Variants in FGF3 observed in about 807,000 individuals in gnomAD.
The protein encoded by FGF3 is fibroblast growth factor 3.
In FGF3, 7 loss-of-function variants were observed where a neutral mutation model predicts 9.8. The observed-to-expected ratio is 0.72, with a 90% CI of 0.41 to 1.35. FGF3 has a LOEUF of 1.35. Among genes scored for constraint, FGF3 ranks in the 40% most tolerant of loss-of-function variants. FGF3 has a pLI of 0.01. For synonymous variants in FGF3, 173 were observed against 157.2 expected (o/e 1.10, Z -0.75); for missense variants, 390 against 345.6 (o/e 1.13, Z -1.02).
chr11:69,813,656 ATGGATGGGTGGATGGC>A (rs1565114863), intron 2 of FGF3, among the ~76,000 whole-genome samples: 1,979 of 94,526 alleles, frequency 0.021, 251 homozygotes, highest in East Asian at 0.043. Flanking sequence ...GGGTGGATGG[ATGGATGGGTGGATGGC>A]TGGATGGATG....
intron 2 of FGF3, 29 bp from the exon 3 acceptor site, chr11:69,810,729 C>A (rs782774076): frequency 1.3e-6 from 2 of 1,529,542 alleles, no homozygotes; most frequent in Non-Finnish European, 1.8e-6. Context: ...ATGGTCAGTG[C>A]CCCGGGGAGA....
At chr11:69,817,590 G>C (rs1590965268) in intron 1 of FGF3, 2 of 152,370 alleles carry the variant, frequency 1.3e-5, no homozygotes, top group Admixed American at 1.3e-4. Context: ...CCTGGTGACA[G>C]CTGGTGCCCA....
intron 2 of FGF3, 128 bp downstream of exon 2, chr11:69,816,192 G>T: frequency 2.5e-6 from 2 of 789,144 alleles, no homozygotes; most frequent in Non-Finnish European, 2.2e-6. Flanking sequence ...GCCAGGGTCT[G>T]GTCCTAGCTT....
At position 69,818,747 on chromosome 11, in the gene FGF3, G is replaced by A. The variant is rs1554981392; in HGVS notation, c.187C>T (p.Arg63Cys). The A allele has an allele frequency of 6.7e-7, 1 of 1,494,568 alleles. No individual in the cohort carries two copies. Among genetic ancestry groups the A allele is most frequent in the Non-Finnish European group, 8.9e-7 (1 of 1,128,672 alleles). The allele number at this position is 1,494,568 out of a possible 1,614,324, so 92.6% of individuals were successfully genotyped here. A position where few individuals can be genotyped will look rare whatever the true frequency, so the allele number is the denominator to read the frequency against. ...KYHLQLHPSG[R>C]VNGSLENSAY... ...CTGTTCTCCAGGCTGCCGTTGACGC[G>A]GCCGCTCGGGTGCAGCTGGAGGTGG... Residue 63 changes from arginine to cysteine, a missense_variant, in exon 1 of 3, where the codon CGC (arginine) becomes TGC (cysteine). Physicochemically the swap from Arg to Cys is radical, Grantham distance 180. Transcript: ENST00000334134.
chr11:69,817,447 G>A (rs1417770315), intron 1 of FGF3: 5 of 152,256 alleles, frequency 3.3e-5, no homozygotes, highest in African/African-American at 7.2e-5. Context: ...AGGGGCGGCT[G>A]CGGGCGCGCG....
intron 1 of FGF3, among the ~76,000 whole-genome samples, chr11:69,817,207 A>C (rs1277800503): frequency 6.6e-6 from 1 of 152,000 alleles, no homozygotes; most frequent in Non-Finnish European, 1.5e-5. Context: ...CTCCCAATAG[A>C]GGCTGCGAGG....
rs1554980742 is a variant in FGF3, at chr11:69,813,759, G to GCT, written c.324+2560_324+2561insAG. Among the ~76,000 whole-genome samples the GCT allele has an allele frequency of 1.4e-4, 18 of 132,124 alleles. 2 individuals are homozygous for GCT. The highest frequency in any genetic ancestry group is 4.3e-4 in the African/African-American group (15 of 35,054). The allele number at this position is 132,124 out of a possible 152,430, so 86.7% of individuals were successfully genotyped here. The stretch of plus-strand genomic sequence containing the variant: ...GGGTGGATGGCTGGATGGATGGATG[G>GCT]GTGGATGGGTGGATGGATGGATGGA... On this transcript the variant is annotated intron_variant, in intron 2 of 2. Coordinates refer to ENST00000334134, the MANE Select transcript of FGF3 (RefSeq NM_005247.4).
Position 69,816,355 on chromosome 11 carries a change from G to A in FGF3, c.289C>T (p.Leu97=). Residue 97 remains leucine (L), a synonymous_variant, in exon 2 of 3, where the codon CTG becomes TTG. Coordinates refer to ENST00000334134, the MANE Select transcript of FGF3 (RefSeq NM_005247.4). ...AGTCGTCCCCTCTTGTTCATGGCCA[G>A]GTACCGCCCGGAGAAGAGACCCCTG... ...AIRGLFSGRY[L]AMNKRGRLYA... The A allele has an allele frequency of 2.5e-6, 4 of 1,614,086 alleles. No individual in the cohort carries two copies. The highest frequency in any genetic ancestry group is 3.4e-6 in the Non-Finnish European group (4 of 1,179,962).
intron 1 of FGF3, 72 bp downstream of exon 1, chr11:69,818,642 A>G: frequency 8.6e-7 from 1 of 1,166,840 alleles, no homozygotes; most frequent in South Asian, 2.0e-5. Flanking sequence ...GGGGCCCCGC[A>G]GCGCGCCTTC....
rs1286038391 is a variant in FGF3, at chr11:69,818,795, TGCG to T, written c.136_138del (p.Arg46del). 1 of 1,493,088 alleles carries T rather than the reference TGCG, an allele frequency of 6.7e-7. No homozygotes were observed. The highest frequency in any genetic ancestry group is 8.9e-7 in the Non-Finnish European group (1 of 1,128,332). The allele number at this position is 1,493,088 out of a possible 1,614,324, so 92.5% of individuals were successfully genotyped here. A position where few individuals can be genotyped will look rare whatever the true frequency, so the allele number is the denominator to read the frequency against. The stretch of plus-strand genomic sequence containing the variant: ...TGGTACTTCGTGGCGCAGTAGAGCT[TGCG>T]GCGCCGGGGCGCCCCGCCAAGGTGC... On this transcript the variant is annotated inframe_deletion, in exon 1 of 3. Coordinates refer to ENST00000334134, the MANE Select transcript of FGF3 (RefSeq NM_005247.4).
intron 2 of FGF3, 73 bp downstream of exon 2, chr11:69,816,247 C>G: frequency 8.5e-7 from 1 of 1,179,554 alleles, no homozygotes; most frequent in South Asian, 1.2e-5. Context: ...CCCACATCCC[C>G]CGTCCCCTGG....
chr11:69,818,796 G>A lies in FGF3; in HGVS notation c.138C>T (p.Arg46=), dbSNP rs1226261869. Residue 46 remains arginine (R), a synonymous_variant, in exon 1 of 3, where the codon CGC becomes CGT. Transcript: ENST00000334134. ...GGTACTTCGTGGCGCAGTAGAGCTTGCGGCGCCGGGGCGCCCCGCCAAGGT... is the reference window on the plus strand; with the variant it reads ...GGTACTTCGTGGCGCAGTAGAGCTTACGGCGCCGGGGCGCCCCGCCAAGGT... ...YEHLGGAPRR[R]KLYCATKYHL... The A allele has an allele frequency of 2.0e-6, 3 of 1,493,204 alleles. No homozygotes were observed. The highest frequency in any genetic ancestry group is 2.9e-5 in the African/African-American group (2 of 68,682). The allele number at this position is 1,493,204 out of a possible 1,614,324, so 92.5% of individuals were successfully genotyped here.
chr11:69,811,138 C>A (rs1856023733), intron 2 of FGF3, among the ~76,000 whole-genome samples: 1 of 152,186 alleles, frequency 6.6e-6, no homozygotes, highest in Admixed American at 6.5e-5. Flanking sequence ...GATGACAACA[C>A]CCAGATCTCT....
In FGF3 at chr11:69,810,599, C is replaced by T. The variant is rs1554980364; in HGVS notation, c.426G>A (p.Gly142=). Residue 142 remains glycine (G), a synonymous_variant, in exon 3 of 3, where the codon GGG becomes GGA. Transcript: ENST00000334134. The part of the protein sequence containing the change: ...RLYRTVSSTP[G]ARRQPSAERL... ...TCTCGGCGCTGGGCTGCCGGCGGGC[C>T]CCAGGCGTACTAGACACCGTCCGGT... is the stretch of plus-strand genomic sequence containing the variant. The T allele has an allele frequency of 6.2e-7, 1 of 1,611,180 alleles. No homozygotes were observed. The highest frequency in any genetic ancestry group is 1.7e-5 in the Admixed American group (1 of 59,960).
In FGF3 at chr11:69,815,866, C is replaced by T. The variant is rs529310913; in HGVS notation, c.324+454G>A. Among the ~76,000 whole-genome samples the T allele has an allele frequency of 3.9e-5, 6 of 152,296 alleles. No individual in the cohort carries two copies. In the South Asian group the frequency reaches 6.2e-4, roughly 16 times the overall value. ...CCTTCCCCTCCTAGGCTTCAGCTCTCGCCTTTCCACCCTTGGAGAGAGCCG... is the reference window on the plus strand; with the variant it reads ...CCTTCCCCTCCTAGGCTTCAGCTCTTGCCTTTCCACCCTTGGAGAGAGCCG... On this transcript the variant is annotated intron_variant, in intron 2 of 2. Coordinates refer to ENST00000334134, the MANE Select transcript of FGF3 (RefSeq NM_005247.4).
Position 69,819,059 on chromosome 11 carries a change from G to A in FGF3, c.-126C>T, listed in dbSNP as rs1347721184. On this transcript the variant is annotated 5_prime_UTR_variant, in exon 1 of 3. Coordinates refer to ENST00000334134, the MANE Select transcript of FGF3 (RefSeq NM_005247.4). ...TCCCGCGCCTGGAGATGCTGACTCC[G>A]GCTTCGCGGGAAAGGTGGGGGAAGA... The A allele has an allele frequency of 3.8e-6, 2 of 526,102 alleles. No homozygotes were observed. The highest frequency in any genetic ancestry group is 3.5e-5 in the East Asian group (1 of 28,240). 32.6% of individuals were successfully genotyped at this position (526,102 alleles called of 1,614,324 possible).
In FGF3 at chr11:69,813,720, GTGGA is replaced by G. The variant is rs1856069242; in HGVS notation, c.324+2596_324+2599del. Among the ~76,000 whole-genome samples, 4 of 114,286 alleles carry G rather than the reference GTGGA, an allele frequency of 3.5e-5. 1 individual carries two copies. Among genetic ancestry groups the G allele is most frequent in the Non-Finnish European group, 3.6e-5 (2 of 55,258 alleles). The allele number at this position is 114,286 out of a possible 152,430, so 75.0% of individuals were successfully genotyped here. On this transcript the variant is annotated intron_variant, in intron 2 of 2. Coordinates refer to ENST00000334134, the MANE Select transcript of FGF3 (RefSeq NM_005247.4). Reference sequence around the variant, plus strand: ...GATGGATAGGTGGATGGATGGATAGGTGGATGGATGGATGGGTGGATGGCTGGAT... The same window carrying G: ...GATGGATAGGTGGATGGATGGATAGGTGGATGGATGGGTGGATGGCTGGAT...
chr11:69,813,252 G>T (rs552720563), intron 2 of FGF3, among the ~76,000 whole-genome samples: 1 of 152,312 alleles, frequency 6.6e-6, no homozygotes, highest in East Asian at 1.9e-4. Context: ...GGCAGTGAAG[G>T]TGTGGCCTGA....
In FGF3 at chr11:69,813,800, A is replaced by ATGGATGGATGGATGGG. The variant is rs1565115008; in HGVS notation, c.324+2519_324+2520insCCCATCCATCCATCCA. Among the ~76,000 whole-genome samples, 362 of 118,256 alleles carry ATGGATGGATGGATGGG rather than the reference A, an allele frequency of 3.1e-3. 7 individuals carry two copies. The highest frequency in any genetic ancestry group is 4.3e-3 in the Non-Finnish European group (247 of 57,088). 77.6% of individuals were successfully genotyped at this position (118,256 alleles called of 152,430 possible). ...GATGGATGGATGGATGGATGGATGG[A>ATGGATGGATGGATGGG]TGGATGGGTGGATGGGTGGATGGGT... On this transcript the variant is annotated intron_variant, in intron 2 of 2. Transcript: ENST00000334134.
Sources: allele counts gnomAD v4.1 joint callset (sites outside exome capture counted in the v4.1 genomes callset), GRCh38; gene constraint gnomAD v4.1.1; transcripts MANE v1.5; gene names NCBI Gene and HGNC (gene_info 2026-07-23, HGNC 2026-07-21).